TAOK3: variants seen among roughly 807,000 people sequenced by gnomAD.
TAOK3 encodes TAO kinase 3.
Under a neutral mutation model 120.4 loss-of-function variants are expected in TAOK3, and 40 were observed. The ratio of observed to expected loss-of-function variants is 0.33; its 90% confidence interval spans 0.26 to 0.43. The LOEUF (loss-of-function observed/expected upper bound fraction) is 0.43, where lower values mean the gene tolerates loss of function less well. Among genes scored for constraint, TAOK3 ranks in the 20% least tolerant of loss-of-function variants. TAOK3 has a pLI of 1.00. For missense variants in TAOK3, 821 were observed against 1,112.1 expected, an observed-to-expected ratio of 0.74 and a Z score of 3.72; for synonymous variants, 355 against 387.5, an observed-to-expected ratio of 0.92 and a Z score of 0.99.
In TAOK3 at chr12:118,182,627, T is replaced by A. The variant is rs370738836; in HGVS notation, c.1330-1020A>T. 3.4e-3 allele frequency among the ~76,000 whole-genome samples: 398 copies of A among 117,164 alleles called. 1 individual carries two copies. The highest frequency in any genetic ancestry group is 0.011 in the South Asian group (34 of 3,080). The allele number at this position is 117,164 out of a possible 152,430, so 76.9% of individuals were successfully genotyped here. A position where few individuals can be genotyped will look rare whatever the true frequency, so the allele number is the denominator to read the frequency against. On this transcript the variant is annotated intron_variant, in intron 14 of 20. Coordinates refer to ENST00000392533, the MANE Select transcript of TAOK3 (RefSeq NM_016281.4). ...TATATATATATATATATATATATTT[T>A]TTTTTTTTTTTAAGGATCATGTCTC...
chr12:118,316,666 C>T (rs1363619065), intron 1 of TAOK3, among the ~76,000 whole-genome samples: 22 of 152,046 alleles, frequency 1.4e-4, no homozygotes, highest in South Asian at 2.1e-4. Context: ...CCTCCTGGTT[C>T]GGCCTCCCAA....
At chr12:118,151,376 T>G (rs1266978042) in intron 20 of TAOK3, among the ~76,000 whole-genome samples, 2 of 151,946 alleles carry the variant, frequency 1.3e-5, no homozygotes, top group Non-Finnish European at 2.9e-5. Context: ...TGCATCTAAA[T>G]CATTATATTT....
At chr12:118,362,532 C>T (rs17440893) in intron 1 of TAOK3, among the ~76,000 whole-genome samples, 17,535 of 151,790 alleles carry the variant, frequency 0.12, 1,277 homozygotes, top group Middle Eastern at 0.19. Flanking sequence ...GAGAAGGATA[C>T]GGTAGGAAAG....
At chr12:118,165,634 A>G (rs1027743614) in intron 17 of TAOK3, among the ~76,000 whole-genome samples, 2 of 152,250 alleles carry the variant, frequency 1.3e-5, no homozygotes, top group African/African-American at 2.4e-5. Flanking sequence ...CAGCTCCTCT[A>G]TAAGTCTTAT....
rs1220241302 is a variant in TAOK3 at position 118,372,845 on chromosome 12, GC to G, written c.-392del. ...CCCACTCTCCACGCAGGACCCCGCC[GC>G]CCGGCGCCACAAGGACCCTCCCGCG... is the stretch of plus-strand genomic sequence containing the variant. On this transcript the variant is annotated 5_prime_UTR_variant, in exon 1 of 21. Coordinates refer to ENST00000392533, the MANE Select transcript of TAOK3 (RefSeq NM_016281.4). The surrounding 1 kb of genome is among the most constrained non-coding windows in gnomAD (Gnocchi z 4.6). The G allele has an allele frequency of 6.5e-6, 1 of 153,336 alleles. No individual in the cohort carries two copies. The highest frequency in any genetic ancestry group is 1.4e-5 in the Non-Finnish European group (1 of 69,450). The allele number at this position is 153,336 out of a possible 1,614,324, so 9.5% of individuals were successfully genotyped here. A position where few individuals can be genotyped will look rare whatever the true frequency, so the allele number is the denominator to read the frequency against.
At chr12:118,244,205 GCA>G (rs888119344) in intron 4 of TAOK3, among the ~76,000 whole-genome samples, 10 of 152,192 alleles carry the variant, frequency 6.6e-5, no homozygotes, top group Non-Finnish European at 8.8e-5. Flanking sequence ...TGGACTACAG[GCA>G]CACACCACCA....
intron 17 of TAOK3, among the ~76,000 whole-genome samples, chr12:118,170,290 G>C (rs1261486159): frequency 6.6e-6 from 1 of 151,680 alleles, no homozygotes; most frequent in East Asian, 1.9e-4. Flanking sequence ...TATGCACTGT[G>C]GTCCTTTGAA....
intron 9 of TAOK3, among the ~76,000 whole-genome samples, chr12:118,226,772 G>A (rs970695279): frequency 2.5e-4 from 38 of 152,128 alleles, no homozygotes; most frequent in African/African-American, 9.2e-4. Flanking sequence ...ATCAAAGGCT[G>A]ATACAGAGAG....
At chr12:118,275,484 T>C (rs1156772239) in intron 1 of TAOK3, among the ~76,000 whole-genome samples, 2 of 152,194 alleles carry the variant, frequency 1.3e-5, no homozygotes, top group Non-Finnish European at 1.5e-5. Context: ...AAAGAATGTA[T>C]AATATGAAAA....
At chr12:118,205,098 A>G (rs896828729) in intron 11 of TAOK3, among the ~76,000 whole-genome samples, 1 of 152,034 alleles carries the variant, frequency 6.6e-6, no homozygotes, top group African/African-American at 2.4e-5. Context: ...TGAACTTGGG[A>G]GAAGGAGGCT....
chr12:118,214,053 G>A lies in TAOK3; in HGVS notation c.701C>T (p.Ala234Val). 1 of 1,610,678 alleles carries A rather than the reference G, an allele frequency of 6.2e-7. No individual in the cohort carries two copies. The highest frequency in any genetic ancestry group is 8.5e-7 in the Non-Finnish European group (1 of 1,178,840). Residue 234 changes from alanine to valine, a missense_variant, in exon 10 of 21, where the codon GCC (alanine) becomes GTC (valine). By Grantham distance (64) the Ala-to-Val change is moderately conservative (BLOSUM62 0). Around this residue, in one of 2 missense-constraint regions of TAOK3, gnomAD observed 467 missense variants for 540.0 expected, o/e 0.86. Transcript: ENST00000392533. ...MNAMSALYHI[A>V]QNDSPTLQSN... ...CTGTAACGTTGGGGAGTCATTCTGG[G>A]CAATGTGATATAAGGCACTCATTGC...
Position 118,152,417 on chromosome 12 carries a change from C to T in TAOK3, c.2353-8G>A, listed in dbSNP as rs1336537282. The T allele has an allele frequency of 4.4e-5, 70 of 1,605,636 alleles. No homozygotes were observed. Among genetic ancestry groups the T allele is most frequent in the Non-Finnish European group, 5.8e-5 (68 of 1,177,090 alleles). ...AGCCTCATCTAGCCGTAACTGCGGA[C>T]ACAGAAGACACACACGGTCATGCAC... On this transcript the variant is annotated splice_polypyrimidine_tract_variant and splice_region_variant and intron_variant, in intron 19 of 20. Transcript: ENST00000392533.
chr12:118,158,661 C>T (rs1165934801), intron 19 of TAOK3, among the ~76,000 whole-genome samples: 1 of 152,216 alleles, frequency 6.6e-6, no homozygotes, highest in Non-Finnish European at 1.5e-5. Flanking sequence ...ATTATAATGG[C>T]TTCCTAACAG....
chr12:118,273,231 G>GGT (rs1346947489), intron 1 of TAOK3, among the ~76,000 whole-genome samples: 2 of 151,746 alleles, frequency 1.3e-5, no homozygotes, highest in African/African-American at 4.8e-5. Flanking sequence ...GGGCCAGCGC[G>GGT]GTGGCTCATG....
intron 13 of TAOK3, chr12:118,198,590 T>C (rs2037863562): frequency 5.9e-6 from 1 of 168,944 alleles, no homozygotes. Context: ...TTTCGCCATG[T>C]TGGCCAGGCT....
intron 17 of TAOK3, among the ~76,000 whole-genome samples, chr12:118,169,950 C>T (rs1000513346): frequency 6.6e-6 from 1 of 151,052 alleles, no homozygotes; most frequent in Non-Finnish European, 1.5e-5. Flanking sequence ...CTCCATCTCC[C>T]GACCTCGTGA....
At chr12:118,250,296 A>C (rs1162640434) in intron 3 of TAOK3, among the ~76,000 whole-genome samples, 1 of 152,128 alleles carries the variant, frequency 6.6e-6, no homozygotes, top group Non-Finnish European at 1.5e-5. Flanking sequence ...ACGTAAATCC[A>C]AACACACAGA....
rs2035225163 is a variant in TAOK3 at position 118,161,640 on chromosome 12, G to C, written c.2139+148C>G. 17 of 1,054,864 alleles carry C rather than the reference G, an allele frequency of 1.6e-5. No individual in the cohort carries two copies. The East Asian group carries it at 4.1e-4, about 25-fold the overall frequency. 65.3% of individuals were successfully genotyped at this position (1,054,864 alleles called of 1,614,324 possible). A position where few individuals can be genotyped will look rare whatever the true frequency, so the allele number is the denominator to read the frequency against. ...TCTCCTTTTCAGGAGCTTAAATATAGACTCTGTGCTTTGCAACTGGAGATT... is the reference window on the plus strand; with the variant it reads ...TCTCCTTTTCAGGAGCTTAAATATACACTCTGTGCTTTGCAACTGGAGATT... On this transcript the variant is annotated intron_variant, in intron 18 of 20. Transcript: ENST00000392533. This position sits in a 1 kb window ranked among gnomAD's most constrained non-coding sequence, Gnocchi z 4.5.
intron 1 of TAOK3, among the ~76,000 whole-genome samples, chr12:118,331,058 A>C (rs537045254): frequency 6.6e-6 from 1 of 152,360 alleles, no homozygotes; most frequent in Non-Finnish European, 1.5e-5. Context: ...ATTAGAAGGC[A>C]GAAATTCTAG....
Sources: allele counts gnomAD v4.1 joint callset (sites outside exome capture counted in the v4.1 genomes callset), GRCh38; gene constraint gnomAD v4.1.1; regional missense constraint gnomAD v4.1.1; non-coding constraint Gnocchi (gnomAD v3.1); transcripts MANE v1.5; gene names NCBI Gene and HGNC (gene_info 2026-07-23, HGNC 2026-07-21).